The following MPHOSPH9 variants were observed in gnomAD, a reference collection of about 807,000 sequenced individuals.
MPHOSPH9 encodes M-phase phosphoprotein 9.
MPHOSPH9 carries 88 observed loss-of-function variants against 145.5 expected under a neutral mutation model. The observed-to-expected ratio is 0.60, with a 90% confidence interval of 0.51 to 0.72. The LOEUF is 0.72. Among genes scored for constraint, MPHOSPH9 ranks in the 30% least tolerant of loss-of-function variants. The pLI is 0.00. For missense variants in MPHOSPH9, 1,238 were observed against 1,386.6 expected, an observed-to-expected ratio of 0.89 and a Z score of 1.70; for synonymous variants, 435 against 486.2, an observed-to-expected ratio of 0.89 and a Z score of 1.39.
chr12:123,236,423 A>G (rs112885526), upstream of MPHOSPH9, among the ~76,000 whole-genome samples: 7,285 of 151,956 alleles, frequency 0.048, 305 homozygotes, highest in East Asian at 0.25. Flanking sequence ...GCAAGACCCC[A>G]TCTCTACAAA....
At chr12:123,242,497 G>T (rs528363970) in intron 1 of MPHOSPH9, among the ~76,000 whole-genome samples, 2 of 152,222 alleles carry the variant, frequency 1.3e-5, no homozygotes, top group Non-Finnish European at 2.9e-5. Flanking sequence ...GGCCTTTGGG[G>T]AAGTGGAACC....
At chr12:123,217,989 G>A (rs2047039894) in intron 6 of MPHOSPH9, among the ~76,000 whole-genome samples, 1 of 151,012 alleles carries the variant, frequency 6.6e-6, no homozygotes. Context: ...AGCTTGCAGT[G>A]AGCCAAGATT....
chr12:123,198,315 C>G lies in MPHOSPH9; in HGVS notation c.1957G>C (p.Ala653Pro), dbSNP rs751907647. 9.3e-6 allele frequency: 15 copies of G among 1,611,964 alleles called. No individual in the cohort carries two copies. The South Asian group carries it at 1.5e-4, about 17-fold the overall frequency. The change falls in exon 12 of 24, where the codon GCT becomes CCT. Residue 653 changes from alanine (A) to proline (P), a missense_variant. Ala to Pro is a conservative substitution (Grantham distance 27). This residue lies in a region of MPHOSPH9 where 837 missense variants were observed against 897.5 expected (regional missense o/e 0.93). Coordinates refer to ENST00000606320, the MANE Select transcript of MPHOSPH9 (RefSeq NM_022782.4). Reference sequence around the variant, plus strand: ...ACGCGACTAGTAGCTTCATGCAAAGCACTATCTAATTGGCCACATCTAAAA... The same window carrying G: ...ACGCGACTAGTAGCTTCATGCAAAGGACTATCTAATTGGCCACATCTAAAA... The part of the protein sequence containing the change: ...LVDRCGQLDS[A>P]LHEATSRVRT...
chr12:123,185,897 T>C (rs187253982), intron 13 of MPHOSPH9, among the ~76,000 whole-genome samples: 10 of 152,174 alleles, frequency 6.6e-5, no homozygotes, highest in Admixed American at 2.0e-4. Context: ...ATTATATCAA[T>C]GTTAAATTTC....
At chr12:123,204,643 G>A (rs906550924) in intron 8 of MPHOSPH9, among the ~76,000 whole-genome samples, 1 of 152,216 alleles carries the variant, frequency 6.6e-6, no homozygotes, top group Non-Finnish European at 1.5e-5. Flanking sequence ...GGGAGGCCAA[G>A]GCAGGCGGAT....
At chr12:123,181,306 A>C (rs1327761157) in intron 13 of MPHOSPH9, 96 bp from the exon 14 acceptor site, 2 of 987,006 alleles carry the variant, frequency 2.0e-6, no homozygotes, top group East Asian at 4.8e-5. Flanking sequence ...TAGCCTTCAA[A>C]AATGCCAATG....
At chr12:123,220,822 G>T (rs752369967) in intron 5 of MPHOSPH9, among the ~76,000 whole-genome samples, 2 of 152,130 alleles carry the variant, frequency 1.3e-5, no homozygotes, top group Admixed American at 6.6e-5. Context: ...TTGGGAGGCA[G>T]AGGCGGGCAG....
chr12:123,237,139 G>A (rs2047863877), upstream of MPHOSPH9, among the ~76,000 whole-genome samples: 1 of 151,650 alleles, frequency 6.6e-6, no homozygotes, highest in Non-Finnish European at 1.5e-5. Flanking sequence ...GTAATTCTGT[G>A]GATTCAAAGT....
At chr12:123,208,412 CTG>C (rs1270952093) in intron 8 of MPHOSPH9, among the ~76,000 whole-genome samples, 2 of 151,296 alleles carry the variant, frequency 1.3e-5, no homozygotes, top group Non-Finnish European at 2.9e-5. Flanking sequence ...TGGCATGTGC[CTG>C]TAGACCCAGC....
In MPHOSPH9 at chr12:123,240,209, CAAAAAAA is replaced by C. The variant is rs55859746; in HGVS notation, c.-159+3637_-159+3643del. Reference sequence around the variant, plus strand: ...TGAAACCCCATCTCTATTAAAAATACAAAAAAAAAAAAAAAAAAGCTGGACGTGGTGG... The same window carrying C: ...TGAAACCCCATCTCTATTAAAAATACAAAAAAAAAAAGCTGGACGTGGTGG... On this transcript the variant is annotated intron_variant, in intron 1 of 2. Coordinates refer to the MPHOSPH9 transcript ENST00000545406. Among the ~76,000 whole-genome samples the C allele has an allele frequency of 2.4e-4, 33 of 135,054 alleles. 1 individual carries two copies. In the East Asian group the frequency reaches 6.5e-3, roughly 27 times the overall value. The allele number at this position is 135,054 out of a possible 152,430, so 88.6% of individuals were successfully genotyped here. A position where few individuals can be genotyped will look rare whatever the true frequency, so the allele number is the denominator to read the frequency against.
intron 3 of MPHOSPH9, 34 bp from the exon 4 acceptor site, chr12:123,223,161 A>T: frequency 1.6e-6 from 2 of 1,235,778 alleles, no homozygotes; most frequent in Non-Finnish European, 2.1e-6. Flanking sequence ...GTTAAAAATA[A>T]TTTTTTGACT....
At chr12:123,185,805 CA>C (rs1158049011) in intron 13 of MPHOSPH9, among the ~76,000 whole-genome samples, 8 of 151,576 alleles carry the variant, frequency 5.3e-5, no homozygotes, top group African/African-American at 1.7e-4. Flanking sequence ...GATTAAAAAG[CA>C]AAAAACAATA....
At chr12:123,198,193 C>G in intron 12 of MPHOSPH9, 54 bp downstream of exon 12, 3 of 1,314,818 alleles carry the variant, frequency 2.3e-6, no homozygotes, top group Non-Finnish European at 3.2e-6. Context: ...CTGATGTTAT[C>G]ACGAAATAAT....
chr12:123,225,532 G>A lies in MPHOSPH9; in HGVS notation c.258+1931C>T, dbSNP rs868140073. ...GAAAAGGAAGGAAGGAAGAAAGGAA[G>A]GGAGGGAGGGAGGGGGTGGGAGGGA... is the stretch of plus-strand genomic sequence containing the variant. On this transcript the variant is annotated intron_variant, in intron 3 of 23. Coordinates refer to ENST00000606320, the MANE Select transcript of MPHOSPH9 (RefSeq NM_022782.4). Among the ~76,000 whole-genome samples the A allele has an allele frequency of 2.1e-3, 298 of 142,726 alleles. 2 individuals carry two copies. Among genetic ancestry groups the A allele is most frequent in the African/African-American group, 7.5e-3 (291 of 38,968 alleles). The allele number at this position is 142,726 out of a possible 152,430, so 93.6% of individuals were successfully genotyped here. A position where few individuals can be genotyped will look rare whatever the true frequency, so the allele number is the denominator to read the frequency against.
intron 17 of MPHOSPH9, 97 bp from the exon 18 acceptor site, chr12:123,165,574 T>C: frequency 9.0e-7 from 1 of 1,115,186 alleles, no homozygotes; most frequent in Non-Finnish European, 1.3e-6. Context: ...AGCCCTAATC[T>C]TCAATGTGAT....
rs1175940769 is a variant in MPHOSPH9 at position 123,178,732 on chromosome 12, C to T, written c.2354+1194G>A. 2.0e-5 allele frequency among the ~76,000 whole-genome samples: 3 copies of T among 152,300 alleles called. No individual in the cohort carries two copies. The East Asian group carries it at 5.8e-4, about 29-fold the overall frequency. The stretch of plus-strand genomic sequence containing the variant: ...AGAGACAGGGTTTTGCCATGTTAGC[C>T]AGGCTGGTCTTGAACTCCTGACCTC... On this transcript the variant is annotated intron_variant, in intron 15 of 23. Coordinates refer to ENST00000606320, the MANE Select transcript of MPHOSPH9 (RefSeq NM_022782.4).
At chr12:123,233,754 C>T (rs1727332), upstream of MPHOSPH9, 89,941 of 152,298 alleles carry the variant, frequency 0.59, 30,897 homozygotes, top group Non-Finnish European at 0.75. Flanking sequence ...TGTGGGTCGG[C>T]CCTGGGGCTG....
chr12:123,180,127 T>C lies in MPHOSPH9; in HGVS notation c.2290-137A>G, dbSNP rs182353862. 12 of 499,224 alleles carry C rather than the reference T, an allele frequency of 2.4e-5. No homozygotes were observed. The East Asian group carries it at 4.0e-4, about 16-fold the overall frequency. 30.9% of individuals were successfully genotyped at this position (499,224 alleles called of 1,614,324 possible). A position where few individuals can be genotyped will look rare whatever the true frequency, so the allele number is the denominator to read the frequency against. ...TACTCAGCAAGTATGGCATCAACCA[T>C]ACAGCCAGGACCAACAGTTCAAGGA... On this transcript the variant is annotated intron_variant, in intron 14 of 23. Coordinates refer to ENST00000606320, the MANE Select transcript of MPHOSPH9 (RefSeq NM_022782.4).
At chr12:123,193,161 G>A (rs897117056) in intron 13 of MPHOSPH9, among the ~76,000 whole-genome samples, 3 of 146,040 alleles carry the variant, frequency 2.1e-5, no homozygotes, top group Admixed American at 6.9e-5. Flanking sequence ...GAACCACATG[G>A]GAAGGAGCAG....
Sources: allele counts gnomAD v4.1 joint callset (sites outside exome capture counted in the v4.1 genomes callset), GRCh38; gene constraint gnomAD v4.1.1; regional missense constraint gnomAD v4.1.1; transcripts MANE v1.5; gene names NCBI Gene and HGNC (gene_info 2026-07-23, HGNC 2026-07-21).